Variants in ST3GAL1 observed in about 807,000 individuals in gnomAD.
ST3GAL1 encodes the protein ST3 beta-galactoside alpha-2,3-sialyltransferase 1, also known as CMP-N-acetylneuraminate-beta-galactosamide-alpha-2,3-sialyltransferase 1.
In ST3GAL1, 16 loss-of-function variants were observed where a neutral mutation model predicts 34.1. The ratio of observed to expected loss-of-function variants is 0.47; its 90% CI spans 0.32 to 0.71. ST3GAL1 has a LOEUF of 0.71. Among genes scored for constraint, ST3GAL1 ranks in the 30% least tolerant of loss-of-function variants. The pLI is 0.04. For synonymous variants in ST3GAL1, 191 were observed against 184.7 expected, an observed-to-expected ratio of 1.03 and a Z score of -0.28; for missense variants, 353 against 447.4, an observed-to-expected ratio of 0.79 and a Z score of 1.90.
chr8:133,563,832 G>T (rs1006200712), intron 1 of ST3GAL1, among the ~76,000 whole-genome samples: 8 of 151,974 alleles, frequency 5.3e-5, no homozygotes, highest in Non-Finnish European at 2.9e-5. Flanking sequence ...TGTGCACCCC[G>T]AAGACCACCC....
At chr8:133,510,933 T>C (rs1817484562) in intron 2 of ST3GAL1, among the ~76,000 whole-genome samples, 1 of 152,226 alleles carries the variant, frequency 6.6e-6, no homozygotes, top group Admixed American at 6.5e-5. Flanking sequence ...GGCTCTTTTT[T>C]CCTAAGTCCT....
At chr8:133,510,834 C>G (rs538349919) in intron 2 of ST3GAL1, among the ~76,000 whole-genome samples, 4 of 152,296 alleles carry the variant, frequency 2.6e-5, no homozygotes, top group African/African-American at 9.6e-5. Flanking sequence ...TGGTGGCCAC[C>G]ATAAGCTGAG....
chr8:133,526,869 G>A (rs1428667465), intron 2 of ST3GAL1, among the ~76,000 whole-genome samples: 1 of 152,108 alleles, frequency 6.6e-6, no homozygotes, highest in Non-Finnish European at 1.5e-5. Flanking sequence ...AAGCAGGACA[G>A]GAAACCACAT....
At position 133,459,721 on chromosome 8, in the gene ST3GAL1, T is replaced by C; in HGVS notation, c.*43A>G. ...TCCAGCAAGATGCTGGGGCTGGAAATGCAGAGGTGTGACAGTGCGTCCATC... is the reference window on the plus strand; with the variant it reads ...TCCAGCAAGATGCTGGGGCTGGAAACGCAGAGGTGTGACAGTGCGTCCATC... On this transcript the variant is annotated 3_prime_UTR_variant, in exon 10 of 10. Coordinates refer to ENST00000522652, the MANE Select transcript of ST3GAL1 (RefSeq NM_173344.3). The surrounding 1 kb of genome is among the most constrained non-coding windows in gnomAD (Gnocchi z 4.7). 6.4e-7 allele frequency: 1 copy of C among 1,556,758 alleles called. No homozygotes were observed. Among genetic ancestry groups the C allele is most frequent in the Non-Finnish European group, 8.7e-7 (1 of 1,146,808 alleles).
At chr8:133,489,085 A>C (rs1303936336) in intron 3 of ST3GAL1, among the ~76,000 whole-genome samples, 7 of 152,092 alleles carry the variant, frequency 4.6e-5, no homozygotes, top group Non-Finnish European at 1.0e-4. Context: ...GGTCTCAGTA[A>C]GTCTATGTCC....
At chr8:133,515,649 C>A (rs143018608) in intron 2 of ST3GAL1, 1 of 152,162 alleles carries the variant, frequency 6.6e-6, no homozygotes, top group East Asian at 1.9e-4. Context: ...AGACAAGCAA[C>A]CTAAAATTAA....
chr8:133,525,846 G>C (rs543614138), intron 2 of ST3GAL1, among the ~76,000 whole-genome samples: 1 of 152,242 alleles, frequency 6.6e-6, no homozygotes, highest in South Asian at 2.1e-4. Context: ...CCAGGGAGCG[G>C]GAGCAGGCAA....
chr8:133,510,009 A>G (rs1817460661), intron 2 of ST3GAL1, among the ~76,000 whole-genome samples: 1 of 151,704 alleles, frequency 6.6e-6, no homozygotes, highest in South Asian at 2.1e-4. Context: ...CAGTGAGCCA[A>G]GATCACACCA....
chr8:133,561,014 A>G (rs966500715), intron 1 of ST3GAL1, among the ~76,000 whole-genome samples: 2 of 151,898 alleles, frequency 1.3e-5, no homozygotes, highest in African/African-American at 4.8e-5. Flanking sequence ...CCTGTCACGT[A>G]GAGTGCACAG....
chr8:133,565,928 A>G (rs1430914062), intron 1 of ST3GAL1, among the ~76,000 whole-genome samples: 1 of 152,262 alleles, frequency 6.6e-6, no homozygotes, highest in East Asian at 1.9e-4. Context: ...CCTCAACTCC[A>G]GAGCCCTCTC....
chr8:133,502,773 G>A (rs1817223906), intron 2 of ST3GAL1, among the ~76,000 whole-genome samples: 1 of 152,230 alleles, frequency 6.6e-6, no homozygotes, highest in South Asian at 2.1e-4. Flanking sequence ...GACAGAGATA[G>A]GAGTCAGACC....
chr8:133,462,944 G>C (rs1233181036), intron 8 of ST3GAL1, among the ~76,000 whole-genome samples: 1 of 152,336 alleles, frequency 6.6e-6, no homozygotes, highest in South Asian at 2.1e-4. Flanking sequence ...AGGCCAGTGT[G>C]GTGGGTACCT....
At chr8:133,518,363 G>A (rs1182704931) in intron 2 of ST3GAL1, among the ~76,000 whole-genome samples, 1 of 152,216 alleles carries the variant, frequency 6.6e-6, no homozygotes, top group African/African-American at 2.4e-5. Flanking sequence ...TGCTGCAGCT[G>A]CAGCCTCCTG....
At chr8:133,473,345 A>C (rs1428395898) in intron 5 of ST3GAL1, among the ~76,000 whole-genome samples, 1 of 152,146 alleles carries the variant, frequency 6.6e-6, no homozygotes, top group Admixed American at 6.5e-5. Context: ...TCTGAGTTTC[A>C]GTTTCCTTGT....
chr8:133,557,906 A>C (rs956791955), intron 1 of ST3GAL1, among the ~76,000 whole-genome samples: 3 of 126,162 alleles, frequency 2.4e-5, no homozygotes, highest in Admixed American at 7.2e-5. Context: ...CTCCGTCTCA[A>C]AAAAAAAAAA....
chr8:133,557,828 C>G (rs1819101612), intron 1 of ST3GAL1, among the ~76,000 whole-genome samples: 1 of 148,838 alleles, frequency 6.7e-6, no homozygotes, highest in Non-Finnish European at 1.5e-5. Flanking sequence ...TTGCTTGAAT[C>G]TGGGAGGCGG....
intron 2 of ST3GAL1, among the ~76,000 whole-genome samples, chr8:133,519,076 T>G (rs1817725330): frequency 6.6e-6 from 1 of 151,640 alleles, no homozygotes; most frequent in South Asian, 2.1e-4. Flanking sequence ...GAGGTCAGGG[T>G]AGGGTAGGGA....
chr8:133,490,886 G>C (rs1251785527), intron 3 of ST3GAL1, among the ~76,000 whole-genome samples: 2 of 152,164 alleles, frequency 1.3e-5, no homozygotes, highest in African/African-American at 4.8e-5. Context: ...CGGTCTCCAT[G>C]AGCATGACTT....
chr8:133,542,337 A>C (rs1255199824), intron 2 of ST3GAL1, among the ~76,000 whole-genome samples: 2 of 152,258 alleles, frequency 1.3e-5, no homozygotes, highest in South Asian at 4.1e-4. Context: ...GCAAGTGCTC[A>C]AATGACGATG....
Sources: allele counts gnomAD v4.1 joint callset (sites outside exome capture counted in the v4.1 genomes callset), GRCh38; gene constraint gnomAD v4.1.1; non-coding constraint Gnocchi (gnomAD v3.1); transcripts MANE v1.5; gene names NCBI Gene and HGNC (gene_info 2026-07-23, HGNC 2026-07-21).